USH2A: variants seen among roughly 807,000 people sequenced by gnomAD.
USH2A encodes the protein usherin.
In USH2A, 443 loss-of-function variants were observed where a neutral mutation model predicts 538.9. That is an observed-to-expected ratio of 0.82 (90% CI 0.76 to 0.89). The LOEUF is 0.89. Ranked by LOEUF, USH2A falls within the 40% of genes least tolerant of loss-of-function variation. USH2A has a pLI of 0.00. For missense variants in USH2A, 6,633 were observed against 6,324.8 expected (o/e 1.05, Z -1.65); for synonymous variants, 2,413 against 2,273.5 (o/e 1.06, Z -1.75).
rs569355551 is a variant in USH2A, at chr1:216,011,646, C to T, written c.6326-11084G>A. On this transcript the variant is annotated intron_variant, in intron 32 of 71. Transcript: ENST00000307340. The stretch of plus-strand genomic sequence containing the variant: ...GCCTAGCCATCATGTCTCCGTGCAG[C>T]GGCTGCTGCAGCCCTAATACTTTAG... 1.4e-4 allele frequency among the ~76,000 whole-genome samples: 22 copies of T among 152,230 alleles called. No homozygotes were observed. The South Asian group carries it at 2.7e-3, about 19-fold the overall frequency.
chr1:216,174,324 T>A, intron 21 of USH2A: 1 of 980,272 alleles, frequency 1.0e-6, no homozygotes, highest in Non-Finnish European at 1.2e-6. Context: ...CTTTGTAAAT[T>A]TTTTTAAAAA....
intron 21 of USH2A, among the ~76,000 whole-genome samples, chr1:216,159,742 C>G (rs750153497): frequency 6.6e-6 from 1 of 152,002 alleles, no homozygotes; most frequent in Non-Finnish European, 1.5e-5. Flanking sequence ...GCTATTATTT[C>G]TACTGTAATT....
intron 50 of USH2A, 89 bp downstream of exon 50, chr1:215,798,818 A>G: frequency 7.0e-7 from 1 of 1,425,174 alleles, no homozygotes; most frequent in East Asian, 2.3e-5. Context: ...AGCTTTAATT[A>G]CTTATTTGTT....
intron 21 of USH2A, among the ~76,000 whole-genome samples, chr1:216,108,485 T>C (rs1418068273): frequency 6.6e-6 from 1 of 151,914 alleles, no homozygotes; most frequent in Non-Finnish European, 1.5e-5. Context: ...ATTGAGCTTC[T>C]TGCATTTTTA....
intron 3 of USH2A, among the ~76,000 whole-genome samples, chr1:216,375,833 G>A (rs1339299223): frequency 6.6e-6 from 1 of 152,030 alleles, no homozygotes; most frequent in African/African-American, 2.4e-5. Flanking sequence ...CTTGAACACT[G>A]AGAGGCCACT....
Position 216,323,382 on chromosome 1 carries a change from G to C in USH2A, c.1550+92C>G, listed in dbSNP as rs1054491307. 5.2e-5 allele frequency: 66 copies of C among 1,272,224 alleles called. No individual in the cohort carries two copies. In the African/African-American group the frequency reaches 8.1e-4, roughly 16 times the overall value. The allele number at this position is 1,272,224 out of a possible 1,614,324, so 78.8% of individuals were successfully genotyped here. A position where few individuals can be genotyped will look rare whatever the true frequency, so the allele number is the denominator to read the frequency against. On this transcript the variant is annotated intron_variant, in intron 8 of 71. Coordinates refer to ENST00000307340, the MANE Select transcript of USH2A (RefSeq NM_206933.4). Reference sequence around the variant, plus strand: ...GTATGAAATCATTTCAAAATGTAAAGCTTGAAATCTGGCTTGCTCTGACAT... The same window carrying C: ...GTATGAAATCATTTCAAAATGTAAACCTTGAAATCTGGCTTGCTCTGACAT...
At chr1:215,900,943 T>G in intron 38 of USH2A, 38 bp from the exon 39 acceptor site, 1 of 1,612,254 alleles carries the variant, frequency 6.2e-7, no homozygotes, top group African/African-American at 1.3e-5. Flanking sequence ...CAGAGAAAAC[T>G]GTGGAGAACA....
chr1:216,007,961 A>G (rs1319793775), intron 32 of USH2A, among the ~76,000 whole-genome samples: 1 of 152,278 alleles, frequency 6.6e-6, no homozygotes, highest in Non-Finnish European at 1.5e-5. Context: ...ACTGAAATTT[A>G]TGAATGCCAC....
intron 44 of USH2A, among the ~76,000 whole-genome samples, chr1:215,854,630 A>G (rs1664108604): frequency 6.6e-6 from 1 of 152,188 alleles, no homozygotes; most frequent in Non-Finnish European, 1.5e-5. Flanking sequence ...AGGGCTCCCA[A>G]ATGGGTCTTC....
In USH2A at chr1:216,070,080, CT is replaced by C. The variant is rs1558241425; in HGVS notation, c.6049+20del. On this transcript the variant is annotated intron_variant, in intron 30 of 71. Transcript: ENST00000307340. ...AAAAAGGAAGTTAATAGGGTCTACT[CT>C]GTTAAAGGATTGCATTTACCTGTGA... 1 of 1,613,374 alleles carries C rather than the reference CT, an allele frequency of 6.2e-7. No homozygotes were observed. The highest frequency in any genetic ancestry group is 8.5e-7 in the Non-Finnish European group (1 of 1,179,536).
In USH2A at chr1:215,741,425, C is replaced by G; in HGVS notation, c.11661G>C (p.Trp3887Cys). 1 of 1,613,910 alleles carries G rather than the reference C, an allele frequency of 6.2e-7. No homozygotes were observed. Among genetic ancestry groups the G allele is most frequent in the Non-Finnish European group, 8.5e-7 (1 of 1,179,992 alleles). ...ALGSACIEIK[W>C]MPPEKPNGII... is the part of the protein sequence containing the mutation. ...TTCCATTTGGTTTTTCAGGTGGCAT[C>G]CACTTAATCTCTATGCAAGCTGACC... Residue 3887 changes from tryptophan to cysteine, a missense_variant, in exon 60 of 72, where the codon TGG (tryptophan) becomes TGC (cysteine). Coordinates refer to ENST00000307340, the MANE Select transcript of USH2A (RefSeq NM_206933.4).
At chr1:215,840,391 T>A (rs1423279885) in intron 46 of USH2A, among the ~76,000 whole-genome samples, 1 of 152,056 alleles carries the variant, frequency 6.6e-6, no homozygotes, top group Non-Finnish European at 1.5e-5. Context: ...AACAGCTATA[T>A]CAAGTACAGT....
At chr1:216,064,506 T>A (rs2031288305) in intron 30 of USH2A, among the ~76,000 whole-genome samples, 1 of 151,978 alleles carries the variant, frequency 6.6e-6, no homozygotes, top group African/African-American at 2.4e-5. Context: ...GATTGTTTTT[T>A]TTTTTTTAAT....
At chr1:216,219,369 C>T (rs1450217829) in intron 14 of USH2A, among the ~76,000 whole-genome samples, 1 of 151,966 alleles carries the variant, frequency 6.6e-6, no homozygotes, top group African/African-American at 2.4e-5. Context: ...TTTGTTTTTA[C>T]CCCAAAGGAC....
At chr1:216,082,298 A>G (rs1459771664) in intron 26 of USH2A, among the ~76,000 whole-genome samples, 1 of 151,986 alleles carries the variant, frequency 6.6e-6, no homozygotes, top group African/African-American at 2.4e-5. Flanking sequence ...TAGACATTAC[A>G]TTTCAGAGAA....
In USH2A at chr1:216,064,063, G is replaced by A. The variant is rs142807809; in HGVS notation, c.6049+6038C>T. On this transcript the variant is annotated intron_variant, in intron 30 of 71. Coordinates refer to ENST00000307340, the MANE Select transcript of USH2A (RefSeq NM_206933.4). ...CCAAGTGAACATTGTAAGGAGCACC[G>A]CCTACCAGCATGAAGTTCAAACCCC... Among the ~76,000 whole-genome samples the A allele has an allele frequency of 5.5e-4, 83 of 152,268 alleles. No homozygotes were observed. In the East Asian group the frequency reaches 0.015, roughly 27 times the overall value.
At chr1:216,314,944 T>G (rs570650286) in intron 9 of USH2A, among the ~76,000 whole-genome samples, 1 of 152,280 alleles carries the variant, frequency 6.6e-6, no homozygotes, top group East Asian at 1.9e-4. Context: ...GCTGAGACAC[T>G]GATCATTGCA....
intron 38 of USH2A, among the ~76,000 whole-genome samples, chr1:215,902,682 A>G (rs1047675101): frequency 1.3e-5 from 2 of 152,154 alleles, no homozygotes; most frequent in African/African-American, 2.4e-5. Context: ...GGAAGATTAT[A>G]GGAAGAAAAT....
Position 216,324,370 on chromosome 1 carries a change from A to T in USH2A, c.1144-18T>A. 6.3e-7 allele frequency: 1 copy of T among 1,589,320 alleles called. No homozygotes were observed. The highest frequency in any genetic ancestry group is 8.6e-7 in the Non-Finnish European group (1 of 1,163,054). ...TAAAACACCTGAAAATGGAAAGTTA[A>T]TTAATGTAATTAAAGTTTTAAGTTT... On this transcript the variant is annotated intron_variant, in intron 6 of 71. Coordinates refer to ENST00000307340, the MANE Select transcript of USH2A (RefSeq NM_206933.4).
Sources: gnomAD v4.1 joint callset for allele counts (sites outside exome capture counted in the v4.1 genomes callset) on GRCh38, gnomAD v4.1.1 for gene constraint, MANE v1.5 for transcripts, NCBI Gene and HGNC (gene_info 2026-07-23, HGNC 2026-07-21) for gene names.